Variants in ADAMTSL2 observed in about 807,000 individuals in gnomAD.
The protein encoded by ADAMTSL2 is ADAMTS-like protein 2.
Under a neutral mutation model 117.0 loss-of-function variants are expected in ADAMTSL2, and 55 were observed. The ratio of observed to expected loss-of-function variants is 0.47; its 90% confidence interval spans 0.38 to 0.59. The LOEUF is 0.59. Among genes scored for constraint, ADAMTSL2 ranks in the 20% least tolerant of loss-of-function variants. The pLI is 0.00. For synonymous variants in ADAMTSL2, 572 were observed against 566.4 expected (o/e 1.01, Z -0.14); for missense variants, 1,182 against 1,354.5 (o/e 0.87, Z 2.00).
At chr9:133,540,515 C>T in intron 5 of ADAMTSL2, 83 bp from the exon 6 acceptor site, 1 of 1,549,182 alleles carries the variant, frequency 6.5e-7, no homozygotes, top group South Asian at 1.2e-5. Context: ...TGGGAGCTGT[C>T]TCAGAGGGAG....
rs569956618 is a variant in ADAMTSL2 at position 133,541,210 on chromosome 9, C to A, written c.682+209C>A. 1.9e-4 allele frequency among the ~76,000 whole-genome samples: 29 copies of A among 152,270 alleles called. No individual in the cohort carries two copies. In the South Asian group the frequency reaches 6.0e-3, roughly 32 times the overall value. On this transcript the variant is annotated intron_variant, in intron 7 of 18. Coordinates refer to ENST00000651351, the MANE Select transcript of ADAMTSL2 (RefSeq NM_014694.4). ...AGAATGGGCAACCCTTTGTTGAGGACCTGCTGGGTACCAGTGGACACTTGG... is the reference window on the plus strand; with the variant it reads ...AGAATGGGCAACCCTTTGTTGAGGAACTGCTGGGTACCAGTGGACACTTGG...
At chr9:133,533,429 G>T (rs374219609), upstream of ADAMTSL2, among the ~76,000 whole-genome samples, 2 of 152,164 alleles carry the variant, frequency 1.3e-5, no homozygotes, top group East Asian at 1.9e-4. Context: ...GAGAGAACCC[G>T]ACACTCAGGA....
chr9:133,532,668 A>G (rs1829966800), upstream of ADAMTSL2: 1 of 152,218 alleles, frequency 6.6e-6, no homozygotes, highest in South Asian at 2.1e-4. Flanking sequence ...GACTCACCTC[A>G]ACAGCACTCT....
intron 17 of ADAMTSL2, 122 bp from the exon 18 acceptor site, chr9:133,573,721 G>A: frequency 8.0e-7 from 1 of 1,249,458 alleles, no homozygotes; most frequent in Non-Finnish European, 1.1e-6. Context: ...TGTCAGTTGG[G>A]ACTCATGGCC....
At position 133,563,836 on chromosome 9, in the gene ADAMTSL2, AGAGAGAGG is replaced by A. The variant is rs1476813167; in HGVS notation, c.1747+2549_1747+2556del. On this transcript the variant is annotated intron_variant, in intron 12 of 18. Transcript: ENST00000651351. Reference sequence around the variant, plus strand: ...GAAAGGGGGAGAGAGAGAGAGAGAGAGAGAGAGGGAGAGAGAGAGAGAGAGAGGGAGAG... The same window carrying A: ...GAAAGGGGGAGAGAGAGAGAGAGAGAGAGAGAGAGAGAGAGAGAGGGAGAG... Among the ~76,000 whole-genome samples the A allele has an allele frequency of 2.3e-3, 117 of 51,342 alleles. 12 individuals are homozygous for A. Among genetic ancestry groups the A allele is most frequent in the Non-Finnish European group, 2.9e-3 (68 of 23,314 alleles). 33.7% of individuals were successfully genotyped at this position (51,342 alleles called of 152,430 possible).
intron 12 of ADAMTSL2, among the ~76,000 whole-genome samples, chr9:133,564,421 GGAGAGAGAGAGGGA>G (rs1564178477): frequency 3.6e-4 from 3 of 8,278 alleles, no homozygotes; most frequent in Admixed American, 1.5e-3. Flanking sequence ...AGAGAGAGAG[GGAGAGAGAGAGGGA>G]GAGAGAGAGG....
At chr9:133,561,375 C>T (rs942412544) in intron 12 of ADAMTSL2, 80 bp downstream of exon 12, 1 of 1,342,536 alleles carries the variant, frequency 7.4e-7, no homozygotes, top group Non-Finnish European at 1.0e-6. Context: ...TGGGGCCCAC[C>T]CACTAGCTTG....
chr9:133,573,407 C>T (rs1831155872), intron 17 of ADAMTSL2, among the ~76,000 whole-genome samples: 1 of 152,220 alleles, frequency 6.6e-6, no homozygotes, highest in African/African-American at 2.4e-5. Context: ...CCCAGGAAAG[C>T]TGGGGCCAGA....
At chr9:133,564,657 GGAGAGA>G (rs1277250397) in intron 12 of ADAMTSL2, among the ~76,000 whole-genome samples, 13 of 49,044 alleles carry the variant, frequency 2.7e-4, no homozygotes, top group African/African-American at 8.3e-4. Flanking sequence ...AGGGAGAGAG[GGAGAGA>G]GAGAGGGAGA....
chr9:133,533,194 T>TGC (rs1389087097), upstream of ADAMTSL2, among the ~76,000 whole-genome samples: 3 of 143,338 alleles, frequency 2.1e-5, no homozygotes, highest in African/African-American at 7.8e-5. Flanking sequence ...TGTGTGTGTG[T>TGC]GTGCTGGGTG....
intron 17 of ADAMTSL2, among the ~76,000 whole-genome samples, chr9:133,572,291 T>G: frequency 6.8e-6 from 1 of 148,082 alleles, no homozygotes; most frequent in South Asian, 2.2e-4. Context: ...GACCCCCGAG[T>G]GAGGAGGGGA....
At chr9:133,570,738 C>T (rs970658733) in intron 17 of ADAMTSL2, among the ~76,000 whole-genome samples, 14 of 152,342 alleles carry the variant, frequency 9.2e-5, no homozygotes, top group Non-Finnish European at 2.9e-5. Context: ...CTACGGCACT[C>T]GTCCTGGGCC....
At chr9:133,546,949 C>T in intron 8 of ADAMTSL2, 89 bp from the exon 9 acceptor site, 5 of 1,350,800 alleles carry the variant, frequency 3.7e-6, no homozygotes, top group Non-Finnish European at 5.3e-6. Context: ...TTCTGGAGGG[C>T]AGGGCTGGTG....
intron 9 of ADAMTSL2, among the ~76,000 whole-genome samples, chr9:133,547,510 C>A (rs917963575): frequency 6.6e-6 from 1 of 152,268 alleles, no homozygotes; most frequent in African/African-American, 2.4e-5. Context: ...TCTCACTCAA[C>A]CACCTATTCT....
At chr9:133,539,651 G>GCGCGGCTGTCCCGGCTGTCCCGGCTGT in intron 4 of ADAMTSL2, 120 bp from the exon 5 acceptor site, 1 of 84,956 alleles carries the variant, frequency 1.2e-5, no homozygotes, top group Non-Finnish European at 2.2e-5. Context: ...CGTGGCCCCC[G>GCGCGGCTGTCCCGGCTGTCCCGGCTGT]CACGGCTGTC....
Position 133,569,472 on chromosome 9 carries a change from G to A in ADAMTSL2, c.2309G>A (p.Arg770Gln), listed in dbSNP as rs1351869446. The A allele has an allele frequency of 9.9e-6, 16 of 1,613,460 alleles. No individual in the cohort carries two copies. The highest frequency in any genetic ancestry group is 9.3e-5 in the African/African-American group (7 of 74,928). Residue 770 changes from arginine (R) to glutamine (Q), a missense_variant, in exon 16 of 19, where the codon CGG (arginine) becomes CAG (glutamine). By Grantham distance (43) the Arg-to-Gln change is conservative (BLOSUM62 1). Transcript: ENST00000651351. ...RHVYCKTSDG[R>Q]VVPESQCQME... ...GTGTACTGCAAGACCAGCGACGGACGGGTAGTACCTGAGTCCCAGTGCCAG... is the reference window on the plus strand; with the variant it reads ...GTGTACTGCAAGACCAGCGACGGACAGGTAGTACCTGAGTCCCAGTGCCAG...
intron 9 of ADAMTSL2, among the ~76,000 whole-genome samples, chr9:133,548,026 G>A (rs560832971): frequency 2.5e-4 from 38 of 152,380 alleles, no homozygotes; most frequent in African/African-American, 9.1e-4. Flanking sequence ...TGTGGTGCCC[G>A]TCAAGGCCTG....
intron 9 of ADAMTSL2, among the ~76,000 whole-genome samples, chr9:133,553,671 CT>C (rs1248866360): frequency 1.3e-5 from 2 of 152,222 alleles, no homozygotes; most frequent in Non-Finnish European, 2.9e-5. Context: ...GCCCGTGACC[CT>C]CTCCGACATC....
rs62574213 is a variant in ADAMTSL2, at chr9:133,558,997, C to G, written c.1650-2201C>G. On this transcript the variant is annotated intron_variant, in intron 11 of 18. Coordinates refer to ENST00000651351, the MANE Select transcript of ADAMTSL2 (RefSeq NM_014694.4). The surrounding 1 kb of genome is among the most constrained non-coding windows in gnomAD (Gnocchi z 4.3). Reference sequence around the variant, plus strand: ...GGTTATTTTGAACCGGGCCCGCTCTCTCTTGAGTCAGGCATGAGTCATGCT... The same window carrying G: ...GGTTATTTTGAACCGGGCCCGCTCTGTCTTGAGTCAGGCATGAGTCATGCT... 1.4e-3 allele frequency among the ~76,000 whole-genome samples: 206 copies of G among 152,304 alleles called. 2 individuals are homozygous for G. Among genetic ancestry groups the G allele is most frequent in the Middle Eastern group, 0.01 (3 of 294 alleles).
Sources: gnomAD v4.1 joint callset for allele counts (sites outside exome capture counted in the v4.1 genomes callset) on GRCh38, gnomAD v4.1.1 for gene constraint, Gnocchi (gnomAD v3.1) non-coding constraint, MANE v1.5 for transcripts, NCBI Gene and HGNC (gene_info 2026-07-23, HGNC 2026-07-21) for gene names.